The following CD200 variants were observed in gnomAD, a reference collection of about 807,000 sequenced individuals.
The protein encoded by CD200 is OX-2 membrane glycoprotein.
A neutral mutation model predicts 30.9 loss-of-function variants in CD200; 15 were observed. The observed-to-expected ratio is 0.49, with a 90% confidence interval of 0.32 to 0.75. The LOEUF (loss-of-function observed/expected upper bound fraction) is 0.75, where lower values mean the gene tolerates loss of function less well. Among genes scored for constraint, CD200 ranks in the 30% least tolerant of loss-of-function variants. The pLI, the probability that CD200 is intolerant of heterozygous loss-of-function variation, is 0.03. For synonymous variants in CD200, 134 were observed against 126.2 expected, an observed-to-expected ratio of 1.06 and a Z score of -0.41; for missense variants, 262 against 324.2, an observed-to-expected ratio of 0.81 and a Z score of 1.47.
chr3:112,357,129 T>C (rs1226455468), intron 5 of CD200, among the ~76,000 whole-genome samples: 11 of 150,920 alleles, frequency 7.3e-5, no homozygotes, highest in East Asian at 3.9e-4. Context: ...GGCGTGATGG[T>C]GGGCGCCTGT....
At chr3:112,345,671 A>G (rs2081371095) in intron 3 of CD200, among the ~76,000 whole-genome samples, 1 of 152,184 alleles carries the variant, frequency 6.6e-6, no homozygotes, top group African/African-American at 2.4e-5. Flanking sequence ...AGTGTGAAAT[A>G]GATCATTTCT....
At chr3:112,343,683 G>GTA (rs1304627420) in intron 2 of CD200, among the ~76,000 whole-genome samples, 1 of 151,848 alleles carries the variant, frequency 6.6e-6, no homozygotes, top group African/African-American at 2.4e-5. Flanking sequence ...CGGTATGATT[G>GTA]TGAATTTAAA....
At chr3:112,333,145 G>T (rs2081032186), upstream of CD200, 1 of 1,544,832 alleles carries the variant, frequency 6.5e-7, no homozygotes, top group East Asian at 2.4e-5. Context: ...CGCTCCTCCC[G>T]CCTGCCTAGC....
chr3:112,349,571 A>G (rs1052717824), intron 4 of CD200, 141 bp from the exon 5 acceptor site: 1 of 477,190 alleles, frequency 2.1e-6, no homozygotes, highest in Non-Finnish European at 3.5e-6. Flanking sequence ...TCTAAATATT[A>G]TTAAAATAAT....
chr3:112,334,055 T>C, intron 1 of CD200: 3 of 985,396 alleles, frequency 3.0e-6, no homozygotes, highest in Non-Finnish European at 3.6e-6. Flanking sequence ...GATTTCACTG[T>C]CTTTCTTAAC....
chr3:112,335,492 C>T (rs2081092478), intron 1 of CD200, among the ~76,000 whole-genome samples: 1 of 152,158 alleles, frequency 6.6e-6, no homozygotes, highest in South Asian at 2.1e-4. Context: ...TTCTCTGTAG[C>T]CTTAGAGATG....
rs2081433311 is a variant in CD200, at chr3:112,347,759, T to G, written c.623T>G (p.Val208Gly). The change falls in exon 4 of 6, where the codon GTG (valine) becomes GGG (glycine). Residue 208 changes from valine to glycine, a missense_variant. By Grantham distance (109) the Val-to-Gly change is moderately radical (BLOSUM62 -3). Coordinates refer to ENST00000315711, the MANE Select transcript of CD200 (RefSeq NM_005944.7). ...ILHIKDPKNQVGKEVICQVLH... is the reference protein window; with the variant it reads ...ILHIKDPKNQGGKEVICQVLH... Reference sequence around the variant, plus strand: ...CATATCAAAGACCCTAAGAATCAGGTGGGGAAGGAGGTGATCTGCCAGGTG... The same window carrying G: ...CATATCAAAGACCCTAAGAATCAGGGGGGGAAGGAGGTGATCTGCCAGGTG... 5.6e-6 allele frequency: 9 copies of G among 1,613,280 alleles called. No individual in the cohort carries two copies. The highest frequency in any genetic ancestry group is 1.3e-5 in the African/African-American group (1 of 74,672).
At chr3:112,334,245 C>A in intron 1 of CD200, 1 of 985,420 alleles carries the variant, frequency 1.0e-6, no homozygotes, top group Non-Finnish European at 1.2e-6. Context: ...GACATAGAAA[C>A]TTGCTGAGGA....
At chr3:112,334,836 G>T (rs2081076865) in intron 1 of CD200, among the ~76,000 whole-genome samples, 1 of 151,994 alleles carries the variant, frequency 6.6e-6, no homozygotes, top group African/African-American at 2.4e-5. Context: ...ACTGTGTTTT[G>T]TTTCTTAACA....
At position 112,361,643 on chromosome 3, in the gene CD200, A is replaced by G; in HGVS notation, c.*93A>G. Reference sequence around the variant, plus strand: ...AGGAAAAGGGGCCATTCTCCAAAGGACCTGAAAGAGCAAAAGAGGTGGGAG... The same window carrying G: ...AGGAAAAGGGGCCATTCTCCAAAGGGCCTGAAAGAGCAAAAGAGGTGGGAG... On this transcript the variant is annotated 3_prime_UTR_variant, in exon 6 of 6. Transcript: ENST00000315711. The G allele has an allele frequency of 2.5e-6, 3 of 1,176,732 alleles. No homozygotes were observed. The highest frequency in any genetic ancestry group is 3.8e-6 in the Non-Finnish European group (3 of 782,468). 72.9% of individuals were successfully genotyped at this position (1,176,732 alleles called of 1,614,324 possible).
chr3:112,354,941 A>G (rs1198784814), intron 5 of CD200, among the ~76,000 whole-genome samples: 1 of 152,150 alleles, frequency 6.6e-6, no homozygotes, highest in Non-Finnish European at 1.5e-5. Context: ...AATCTGAAAC[A>G]TTTGTCTCCT....
At chr3:112,357,239 G>T (rs13084367) in intron 5 of CD200, among the ~76,000 whole-genome samples, 1 of 144,210 alleles carries the variant, frequency 6.9e-6, no homozygotes, top group African/African-American at 2.6e-5. Context: ...CCAGCCTGGG[G>T]GACAGAGCGA....
chr3:112,361,297 C>T (rs962118198), intron 5 of CD200, among the ~76,000 whole-genome samples: 7 of 152,100 alleles, frequency 4.6e-5, no homozygotes, highest in South Asian at 4.1e-4. Flanking sequence ...CCTCCCGCCT[C>T]GGCCTCCTAA....
intron 5 of CD200, among the ~76,000 whole-genome samples, chr3:112,360,787 C>T (rs1041386695): frequency 6.6e-6 from 1 of 152,158 alleles, no homozygotes; most frequent in Non-Finnish European, 1.5e-5. Context: ...GGTTTCCAGG[C>T]TCCCAGTATG....
chr3:112,358,260 C>G (rs908612257), intron 5 of CD200, among the ~76,000 whole-genome samples: 4 of 152,178 alleles, frequency 2.6e-5, no homozygotes, highest in Non-Finnish European at 5.9e-5. Flanking sequence ...GGATGGGAAT[C>G]TGTTGTTTTT....
chr3:112,355,522 T>C (rs2081608150), intron 5 of CD200, among the ~76,000 whole-genome samples: 2 of 152,216 alleles, frequency 1.3e-5, no homozygotes, highest in Admixed American at 1.3e-4. Flanking sequence ...CACAGGGAAC[T>C]GTGAAAGTTC....
intron 5 of CD200, among the ~76,000 whole-genome samples, chr3:112,350,183 A>T (rs909006743): frequency 8.5e-5 from 13 of 152,282 alleles, no homozygotes; most frequent in Admixed American, 8.5e-4. Context: ...CCCATTTAAG[A>T]GGCTGCAATT....
At chr3:112,340,298 T>A (rs1401502509) in intron 1 of CD200, among the ~76,000 whole-genome samples, 2 of 152,144 alleles carry the variant, frequency 1.3e-5, no homozygotes, top group Non-Finnish European at 2.9e-5. Flanking sequence ...AATAACATTA[T>A]CTTAAATACT....
At chr3:112,347,480 C>G in intron 3 of CD200, 78 bp from the exon 4 acceptor site, 2 of 1,373,238 alleles carry the variant, frequency 1.5e-6, no homozygotes, top group Non-Finnish European at 2.0e-6. Flanking sequence ...AGCATATTTC[C>G]TTCATCTCTC....
Sources: gnomAD v4.1 joint callset for allele counts (sites outside exome capture counted in the v4.1 genomes callset) on GRCh38, gnomAD v4.1.1 for gene constraint, MANE v1.5 for transcripts, NCBI Gene and HGNC (gene_info 2026-07-23, HGNC 2026-07-21) for gene names.